TRPM3: variants seen among roughly 807,000 people sequenced by gnomAD.
The protein encoded by TRPM3 is long transient receptor potential channel 3.
In TRPM3, 77 loss-of-function variants were observed where a neutral mutation model predicts 181.2. The ratio of observed to expected loss-of-function variants is 0.42; its 90% CI spans 0.35 to 0.51. The LOEUF (loss-of-function observed/expected upper bound fraction) is 0.51, where lower values mean the gene tolerates loss of function less well. Ranked by LOEUF, TRPM3 falls within the 20% of genes least tolerant of loss-of-function variation. The pLI is 0.01. For missense variants in TRPM3, 1,759 were observed against 2,196.7 expected (o/e 0.80, Z 3.98); for synonymous variants, 745 against 796.4 (o/e 0.94, Z 1.09).
At chr9:71,032,101 TTATA>T (rs1220051530) in intron 1 of TRPM3, among the ~76,000 whole-genome samples, 1 of 94,030 alleles carries the variant, frequency 1.1e-5, no homozygotes, top group Admixed American at 1.8e-4. Context: ...TTATATAATA[TTATA>T]TATATTATAT....
chr9:70,831,993 A>T (rs12342094), intron 5 of TRPM3, among the ~76,000 whole-genome samples: 28 of 92,528 alleles, frequency 3.0e-4, no homozygotes, highest in African/African-American at 7.2e-4. Flanking sequence ...ATATATATAT[A>T]TATACCTACT....
At chr9:71,197,769 T>C (rs1190071045) in intron 1 of TRPM3, among the ~76,000 whole-genome samples, 5 of 142,248 alleles carry the variant, frequency 3.5e-5, no homozygotes, top group Non-Finnish European at 7.7e-5. Context: ...TTCTGGATAT[T>C]AGCCCTATGT....
At position 70,846,563 on chromosome 9, in the gene TRPM3, G is replaced by C. The variant is rs757552025; in HGVS notation, c.491C>G (p.Pro164Arg). Reference sequence around the variant, plus strand: ...GGTCATCAGGTGTAAGAGGAGATCAGGTTTTGTATCAAAAGATACTCGCAC... The same window carrying C: ...GGTCATCAGGTGTAAGAGGAGATCACGTTTTGTATCAAAAGATACTCGCAC... ...MYVRVSFDTK[P>R]DLLLHLMTKE... Residue 164 changes from proline to arginine, a missense_variant, in exon 4 of 26, where the codon CCT (proline) becomes CGT (arginine). Physicochemically the swap from Pro to Arg is moderately radical, Grantham distance 103. Around this residue, in one of 8 missense-constraint regions of TRPM3, gnomAD observed 737 missense variants for 957.4 expected, o/e 0.77. Transcript: ENST00000677713. 1 of 1,614,116 alleles carries C rather than the reference G, an allele frequency of 6.2e-7. No individual in the cohort carries two copies. The highest frequency in any genetic ancestry group is 8.5e-7 in the Non-Finnish European group (1 of 1,180,000).
intron 1 of TRPM3, among the ~76,000 whole-genome samples, chr9:71,382,145 T>C (rs1565517847): frequency 6.6e-6 from 1 of 152,168 alleles, no homozygotes; most frequent in Non-Finnish European, 1.5e-5. Flanking sequence ...TTATTAGCTA[T>C]ATAGCCTTGT....
Position 70,535,943 on chromosome 9 carries a change from T to G in TRPM3, c.*10A>C. 6.4e-7 allele frequency: 1 copy of G among 1,562,476 alleles called. No homozygotes were observed. Among genetic ancestry groups the G allele is most frequent in the Non-Finnish European group, 8.6e-7 (1 of 1,157,062 alleles). On this transcript the variant is annotated 3_prime_UTR_variant, in exon 26 of 26. Coordinates refer to ENST00000677713, the MANE Select transcript of TRPM3 (RefSeq NM_001366145.2). ...ATTCTTGAGCCTTCTGTGGCGGATA[T>G]TAAGAAGGTTTAGTTGTGCTTGCTT...
In TRPM3 at chr9:70,742,273, T is replaced by G. The variant is rs545616281; in HGVS notation, c.1272+19328A>C. 2.2e-4 allele frequency among the ~76,000 whole-genome samples: 34 copies of G among 152,238 alleles called. 1 individual carries two copies. In the South Asian group the frequency reaches 6.8e-3, roughly 31 times the overall value. On this transcript the variant is annotated intron_variant, in intron 8 of 25. Transcript: ENST00000677713. ...ATGATTATTTACCTTTCTCATGTGTTTATTTATTTTCTATATTTCTACAAT... is the reference window on the plus strand; with the variant it reads ...ATGATTATTTACCTTTCTCATGTGTGTATTTATTTTCTATATTTCTACAAT...
intron 1 of TRPM3, among the ~76,000 whole-genome samples, chr9:71,272,619 C>T (rs1390032992): frequency 1.3e-5 from 2 of 152,048 alleles, no homozygotes; most frequent in Non-Finnish European, 2.9e-5. Flanking sequence ...GGCTCACATA[C>T]CTGTACATAG....
chr9:71,259,695 T>C (rs2082910167), intron 1 of TRPM3, among the ~76,000 whole-genome samples: 1 of 152,220 alleles, frequency 6.6e-6, no homozygotes, highest in Admixed American at 6.5e-5. Flanking sequence ...ATGTCTTCTT[T>C]TGAGAAGGGT....
In TRPM3 at chr9:70,536,632, C is replaced by T. The variant is rs752119159; in HGVS notation, c.4481G>A (p.Cys1494Tyr). The T allele has an allele frequency of 1.9e-6, 3 of 1,613,974 alleles. No homozygotes were observed. The Admixed American group carries it at 5.0e-5, about 27-fold the overall frequency. ...AGGCTCTGAGTCCCAGGGGTTTTGGCATTCTGGGAGGTGGGTGTAGTCTGA... is the reference window on the plus strand; with the variant it reads ...AGGCTCTGAGTCCCAGGGGTTTTGGTATTCTGGGAGGTGGGTGTAGTCTGA... ...FSSDYTHLPECQNPWDSEPPM... is the reference protein window; with the variant it reads ...FSSDYTHLPEYQNPWDSEPPM... The change falls in exon 26 of 26, where the codon TGC becomes TAC. Residue 1494 changes from cysteine (C) to tyrosine (Y), a missense_variant. By Grantham distance (194) the Cys-to-Tyr change is radical. This residue lies in a region of TRPM3 where 612 missense variants were observed against 590.0 expected (regional missense o/e 1.04). Coordinates refer to ENST00000677713, the MANE Select transcript of TRPM3 (RefSeq NM_001366145.2).
chr9:71,144,241 A>G (rs2075287617), intron 1 of TRPM3, among the ~76,000 whole-genome samples: 1 of 152,148 alleles, frequency 6.6e-6, no homozygotes, highest in Non-Finnish European at 1.5e-5. Context: ...TGCCCCTAGA[A>G]GTAGTATGCT....
At chr9:70,839,474 C>G (rs1212946986) in intron 5 of TRPM3, among the ~76,000 whole-genome samples, 1 of 152,180 alleles carries the variant, frequency 6.6e-6, no homozygotes. Flanking sequence ...AATTGCTGCA[C>G]TCACTACTTC....
intron 1 of TRPM3, among the ~76,000 whole-genome samples, chr9:70,889,946 CTA>C (rs1175217485): frequency 1.4e-5 from 2 of 147,698 alleles, no homozygotes; most frequent in Non-Finnish European, 3.0e-5. Context: ...ATGCTATATA[CTA>C]TATATAACAT....
At chr9:71,194,630 G>C (rs1366252232) in intron 1 of TRPM3, among the ~76,000 whole-genome samples, 1 of 151,926 alleles carries the variant, frequency 6.6e-6, no homozygotes, top group African/African-American at 2.4e-5. Context: ...TCTGACGCAA[G>C]TGAGAGGTGA....
In TRPM3 at chr9:70,549,507, C is replaced by T. The variant is rs778430132; in HGVS notation, c.3707+35G>A. The T allele has an allele frequency of 2.0e-5, 32 of 1,588,950 alleles. No individual in the cohort carries two copies. The South Asian group carries it at 3.0e-4, about 15-fold the overall frequency. On this transcript the variant is annotated intron_variant, in intron 25 of 25. Transcript: ENST00000677713. Reference sequence around the variant, plus strand: ...ATGGATAAAGCATGCCTTGGCACAACACATCTGCAGGAGGCAGGTGTCCAC... The same window carrying T: ...ATGGATAAAGCATGCCTTGGCACAATACATCTGCAGGAGGCAGGTGTCCAC...
intron 3 of TRPM3, among the ~76,000 whole-genome samples, chr9:70,855,980 C>T (rs1007932920): frequency 1.3e-5 from 2 of 152,094 alleles, no homozygotes; most frequent in Non-Finnish European, 2.9e-5. Flanking sequence ...TAATTTATTC[C>T]ATATTGTTTT....
intron 1 of TRPM3, among the ~76,000 whole-genome samples, chr9:71,037,726 G>A (rs2058374473): frequency 6.6e-6 from 1 of 152,196 alleles, no homozygotes; most frequent in Non-Finnish European, 1.5e-5. Flanking sequence ...ACCACTCAAT[G>A]AAATGTATCA....
intron 8 of TRPM3, among the ~76,000 whole-genome samples, chr9:70,692,152 A>G (rs1032286022): frequency 6.6e-6 from 1 of 152,188 alleles, no homozygotes; most frequent in Non-Finnish European, 1.5e-5. Flanking sequence ...GTCTCATTTT[A>G]TTCTCCATTA....
intron 1 of TRPM3, among the ~76,000 whole-genome samples, chr9:71,055,716 T>C (rs1240783113): frequency 6.6e-6 from 1 of 152,050 alleles, no homozygotes; most frequent in Non-Finnish European, 1.5e-5. Context: ...TTAAAGACAA[T>C]ATTATATGTG....
chr9:70,771,991 A>G (rs567772335), intron 7 of TRPM3, among the ~76,000 whole-genome samples: 1 of 152,308 alleles, frequency 6.6e-6, no homozygotes, highest in South Asian at 2.1e-4. Flanking sequence ...TGCCTGGAAC[A>G]TAGTAGGTGT....
Sources: allele counts gnomAD v4.1 joint callset (sites outside exome capture counted in the v4.1 genomes callset), GRCh38; gene constraint gnomAD v4.1.1; regional missense constraint gnomAD v4.1.1; transcripts MANE v1.5; gene names NCBI Gene and HGNC (gene_info 2026-07-23, HGNC 2026-07-21).